The following CAP1 variants were observed in gnomAD, a reference collection of about 807,000 sequenced individuals.
CAP1 encodes the protein cyclase associated actin cytoskeleton regulatory protein 1.
In CAP1, 11 loss-of-function variants were observed where a neutral mutation model predicts 58.2. The ratio of observed to expected loss-of-function variants is 0.19; its 90% CI spans 0.12 to 0.31. The LOEUF is 0.31. CAP1 is among the 10% of genes least tolerant of loss of function. The pLI is 1.00. For synonymous variants in CAP1, 183 were observed against 213.8 expected (o/e 0.86, Z 1.26); for missense variants, 423 against 587.5 (o/e 0.72, Z 2.89).
At chr1:40,066,001 C>T (rs745585050) in intron 6 of CAP1, among the ~76,000 whole-genome samples, 46 of 152,170 alleles carry the variant, frequency 3.0e-4, no homozygotes, top group Non-Finnish European at 5.4e-4. Flanking sequence ...AGATAGAATC[C>T]AGAGTCTCTA....
intron 6 of CAP1, among the ~76,000 whole-genome samples, chr1:40,065,992 G>C (rs17360596): frequency 0.036 from 5,501 of 152,296 alleles, 152 homozygotes; most frequent in Non-Finnish European, 0.054. Flanking sequence ...GAGAGATAGA[G>C]ATAGAATCCA....
chr1:40,041,757 GA>G (rs1462321544), intron 1 of CAP1, among the ~76,000 whole-genome samples: 2 of 152,212 alleles, frequency 1.3e-5, no homozygotes, highest in Non-Finnish European at 2.9e-5. Flanking sequence ...TGTTTGCAGG[GA>G]TGTTTAAGAA....
At position 40,071,868 on chromosome 1, in the gene CAP1, A is replaced by G; in HGVS notation, c.*335A>G. 4.5e-6 allele frequency: 2 copies of G among 440,098 alleles called. No individual in the cohort carries two copies. The highest frequency in any genetic ancestry group is 6.6e-5 in the South Asian group (1 of 15,144). The allele number at this position is 440,098 out of a possible 1,614,324, so 27.3% of individuals were successfully genotyped here. A position where few individuals can be genotyped will look rare whatever the true frequency, so the allele number is the denominator to read the frequency against. On this transcript the variant is annotated 3_prime_UTR_variant, in exon 13 of 13. Transcript: ENST00000372805. ...TACCAACAAACAGTCCATTGGAAAG[A>G]AAACAGTCCCTGGAATTAACAGATC... is the stretch of plus-strand genomic sequence containing the variant.
chr1:40,072,391 G>A lies in CAP1; in HGVS notation c.*858G>A. The A allele has an allele frequency of 3.7e-6, 1 of 266,780 alleles. No homozygotes were observed. Among genetic ancestry groups the A allele is most frequent in the Non-Finnish European group, 7.0e-6 (1 of 143,474 alleles). 16.5% of individuals were successfully genotyped at this position (266,780 alleles called of 1,614,324 possible). On this transcript the variant is annotated 3_prime_UTR_variant, in exon 13 of 13. Coordinates refer to ENST00000372805, the MANE Select transcript of CAP1 (RefSeq NM_006367.4). ...TCATCAGCTTATGGCTTCTGTCTAA[G>A]CACCTGAACAGAGGACTGAAACCTC...
intron 1 of CAP1, among the ~76,000 whole-genome samples, chr1:40,046,226 C>T (rs550173171): frequency 2.0e-5 from 3 of 152,206 alleles, no homozygotes; most frequent in East Asian, 1.9e-4. Context: ...GAGGCCAAGG[C>T]GGGTGGATCA....
intron 1 of CAP1, among the ~76,000 whole-genome samples, chr1:40,044,532 G>A (rs1432834003): frequency 4.6e-5 from 7 of 152,086 alleles, no homozygotes. Flanking sequence ...CTAAGAAGAA[G>A]CATTTTTCAT....
Position 40,045,640 on chromosome 1 carries a change from C to G in CAP1, c.-11+4839C>G, listed in dbSNP as rs541432102. 1.2e-4 allele frequency among the ~76,000 whole-genome samples: 18 copies of G among 152,286 alleles called. No individual in the cohort carries two copies. The South Asian group carries it at 3.7e-3, about 32-fold the overall frequency. On this transcript the variant is annotated intron_variant, in intron 1 of 12. Coordinates refer to ENST00000372805, the MANE Select transcript of CAP1 (RefSeq NM_006367.4). ...GCGTGATCTTGGCTCACTGCAACCT[C>G]CCCCTCCCGGGTTCAAGCAGTTCTC... is the stretch of plus-strand genomic sequence containing the variant.
Position 40,070,281 on chromosome 1 carries a change from A to T in CAP1, c.1116A>T (p.Val372=), listed in dbSNP as rs183895819. 442 of 1,614,190 alleles carry T rather than the reference A, an allele frequency of 2.7e-4. 2 individuals carry two copies. In the African/African-American group the frequency reaches 5.3e-3, roughly 19 times the overall value. ...AGGGCAAAATTAACTCCATTACAGT[A>T]GGTGAGTCTTTGTCGCTGTCCCACG... ...QIKGKINSIT[V]DNCKKLGLVF... is the part of the protein sequence containing the mutation. The change falls in exon 10 of 13, where the codon GTA becomes GTT. Residue 372 remains valine, a splice_region_variant and synonymous_variant. Coordinates refer to ENST00000372805, the MANE Select transcript of CAP1 (RefSeq NM_006367.4).
intron 1 of CAP1, among the ~76,000 whole-genome samples, chr1:40,051,922 A>C (rs1224458812): frequency 6.6e-6 from 1 of 152,224 alleles, no homozygotes; most frequent in Non-Finnish European, 1.5e-5. Flanking sequence ...AACTTTAACA[A>C]ATATAATCTA....
chr1:40,071,340 A>T, intron 12 of CAP1, 110 bp from the exon 13 acceptor site: 1 of 735,336 alleles, frequency 1.4e-6, no homozygotes, highest in Non-Finnish European at 2.4e-6. Context: ...GCTACATTGT[A>T]CCGTGCTCCT....
chr1:40,044,522 C>T (rs935795611), intron 1 of CAP1, among the ~76,000 whole-genome samples: 2 of 152,112 alleles, frequency 1.3e-5, no homozygotes, highest in Admixed American at 6.6e-5. Flanking sequence ...TTAAAGTTCT[C>T]TAAGAAGAAG....
At chr1:40,067,832 G>A (rs960656400) in intron 8 of CAP1, 115 bp downstream of exon 8, 13 of 698,140 alleles carry the variant, frequency 1.9e-5, no homozygotes, top group Non-Finnish European at 3.1e-5. Context: ...GACTCGTTTG[G>A]TGTGTCCTGT....
Position 40,070,144 on chromosome 1 carries a change from A to C in CAP1, c.994-15A>C. On this transcript the variant is annotated splice_polypyrimidine_tract_variant and intron_variant, in intron 9 of 12. Coordinates refer to ENST00000372805, the MANE Select transcript of CAP1 (RefSeq NM_006367.4). ...TGTGCTTTGTGATGAGAATCCTGGG[A>C]TCTCTCTCTAACAGGAAAATCAGGA... is the stretch of plus-strand genomic sequence containing the variant. 1 of 1,613,758 alleles carries C rather than the reference A, an allele frequency of 6.2e-7. No individual in the cohort carries two copies. The highest frequency in any genetic ancestry group is 8.5e-7 in the Non-Finnish European group (1 of 1,180,010).
rs398052925 is a variant in CAP1 at position 40,054,193 on chromosome 1, C to CT, written c.-10-5130dup. ...CAAACACCTTTATTAGCCCACTGTT[C>CT]TTTTTTTTTTTTTTGGAAACATAAT... On this transcript the variant is annotated intron_variant, in intron 1 of 12. Transcript: ENST00000372805. Among the ~76,000 whole-genome samples the CT allele has an allele frequency of 2.3e-3, 312 of 136,326 alleles. 2 individuals carry two copies. Among genetic ancestry groups the CT allele is most frequent in the South Asian group, 4.0e-3 (17 of 4,198 alleles). 89.4% of individuals were successfully genotyped at this position (136,326 alleles called of 152,430 possible). A position where few individuals can be genotyped will look rare whatever the true frequency, so the allele number is the denominator to read the frequency against.
chr1:40,052,105 G>T (rs1209687223), intron 1 of CAP1, among the ~76,000 whole-genome samples: 2 of 152,168 alleles, frequency 1.3e-5, no homozygotes, highest in Non-Finnish European at 2.9e-5. Context: ...GATAGAGTCA[G>T]TGCAGGAGGT....
upstream of CAP1, chr1:40,040,377 G>A (rs1032672609): frequency 6.6e-6 from 1 of 152,296 alleles, no homozygotes; most frequent in Non-Finnish European, 1.5e-5. Context: ...CAAACTGACA[G>A]AGGAACTGGT....
chr1:40,053,982 A>AT (rs995169045), intron 1 of CAP1, among the ~76,000 whole-genome samples: 7 of 152,152 alleles, frequency 4.6e-5, no homozygotes, highest in African/African-American at 1.7e-4. Flanking sequence ...TATCAGTGTG[A>AT]TTCGTGGCTG....
chr1:40,060,729 C>T (rs1646814687), intron 3 of CAP1, among the ~76,000 whole-genome samples: 1 of 142,516 alleles, frequency 7.0e-6, no homozygotes, highest in African/African-American at 2.6e-5. Context: ...ACCCAAAAAC[C>T]TTCCTGCTAG....
At chr1:40,064,634 T>G in intron 6 of CAP1, 75 bp downstream of exon 6, 1 of 1,118,272 alleles carries the variant, frequency 8.9e-7, no homozygotes, top group Non-Finnish European at 1.4e-6. Flanking sequence ...TGAAGTACAG[T>G]GGCACAATCA....
Sources: allele counts gnomAD v4.1 joint callset (sites outside exome capture counted in the v4.1 genomes callset), GRCh38; gene constraint gnomAD v4.1.1; transcripts MANE v1.5; gene names NCBI Gene and HGNC (gene_info 2026-07-23, HGNC 2026-07-21).